Variants in PPA2 observed in about 807,000 individuals in gnomAD.
The protein encoded by PPA2 is inorganic pyrophosphatase 2, mitochondrial.
Under a neutral mutation model 49.5 loss-of-function variants are expected in PPA2, and 48 were observed. The observed-to-expected ratio is 0.97, with a 90% CI of 0.77 to 1.23. The LOEUF is 1.23. PPA2 is among the 50% of genes most tolerant of loss of function. PPA2 has a pLI of 0.00. For missense variants in PPA2, 429 were observed against 410.1 expected (o/e 1.05, Z -0.40); for synonymous variants, 131 against 139.9 (o/e 0.94, Z 0.45).
At chr4:105,437,427 A>G (rs1724115816) in intron 6 of PPA2, among the ~76,000 whole-genome samples, 1 of 152,184 alleles carries the variant, frequency 6.6e-6, no homozygotes, top group Admixed American at 6.5e-5. Context: ...TCAATCTCTG[A>G]AATTGTGGAT....
rs4699179 is a variant in PPA2 at position 105,474,024 on chromosome 4, G to A, written c.27C>T (p.Arg9=). 0.21 allele frequency: 329,711 copies of A among 1,597,208 alleles called. 38,394 individuals are homozygous for A. The highest frequency in any genetic ancestry group is 0.24 in the Non-Finnish European group (282,643 of 1,172,040). The change falls in exon 1 of 12, where the codon CGC becomes CGT. Residue 9 remains arginine, a synonymous_variant. Coordinates refer to ENST00000341695, the MANE Select transcript of PPA2 (RefSeq NM_176869.3). The part of the protein sequence containing the change: MSALLRLL[R]TGAPAAACLR... ...GGCACGCAGCGGCTGGGGCACCCGT[G>A]CGCAGCAGCCGCAGCAGCGCGCTCA...
intron 9 of PPA2, among the ~76,000 whole-genome samples, chr4:105,388,322 C>G (rs1733763798): frequency 6.6e-6 from 1 of 151,916 alleles, no homozygotes. Flanking sequence ...ATCCCCTACT[C>G]TTACAACAAA....
chr4:105,411,027 T>C (rs1488744473), intron 7 of PPA2, among the ~76,000 whole-genome samples: 1 of 152,170 alleles, frequency 6.6e-6, no homozygotes, highest in Non-Finnish European at 1.5e-5. Context: ...AATAACCAGC[T>C]AACATTATAA....
intron 10 of PPA2, among the ~76,000 whole-genome samples, chr4:105,374,606 A>G (rs753267715): frequency 6.6e-6 from 1 of 152,140 alleles, no homozygotes; most frequent in African/African-American, 2.4e-5. Context: ...CTCTCTCTCA[A>G]ATAACTCTAC....
At chr4:105,411,308 CAAAG>C (rs1722746400) in intron 7 of PPA2, among the ~76,000 whole-genome samples, 2 of 152,180 alleles carry the variant, frequency 1.3e-5, no homozygotes, top group Non-Finnish European at 2.9e-5. Flanking sequence ...TCAAAAGAGA[CAAAG>C]AAGGCCATTA....
At chr4:105,461,771 T>G (rs1477153144) in intron 1 of PPA2, among the ~76,000 whole-genome samples, 1 of 152,166 alleles carries the variant, frequency 6.6e-6, no homozygotes, top group Non-Finnish European at 1.5e-5. Context: ...ATTTACAGAG[T>G]GTTTCACATG....
intron 6 of PPA2, among the ~76,000 whole-genome samples, chr4:105,424,774 A>T (rs1465386192): frequency 5.3e-5 from 8 of 152,236 alleles, no homozygotes; most frequent in Non-Finnish European, 7.3e-5. Context: ...TTAAAAAAAA[A>T]TGGAGGATGA....
intron 6 of PPA2, among the ~76,000 whole-genome samples, chr4:105,434,697 C>G (rs1723965768): frequency 6.6e-6 from 1 of 152,122 alleles, no homozygotes; most frequent in African/African-American, 2.4e-5. Flanking sequence ...TTTAAAATTT[C>G]AAACAACATA....
chr4:105,473,799 G>T, intron 1 of PPA2, 95 bp downstream of exon 1: 1 of 1,515,742 alleles, frequency 6.6e-7, no homozygotes, highest in Non-Finnish European at 9.0e-7. Flanking sequence ...AAAGAGAGAA[G>T]GGAGACCGCG....
chr4:105,431,568 C>A lies in PPA2; in HGVS notation c.528+6382G>T, dbSNP rs566881416. ...GTAAATTCAGAATTACCATATGACC[C>A]AGCAATTCCATTCCTAGGTGAAAAA... On this transcript the variant is annotated intron_variant, in intron 6 of 11. Coordinates refer to ENST00000341695, the MANE Select transcript of PPA2 (RefSeq NM_176869.3). 5.3e-5 allele frequency among the ~76,000 whole-genome samples: 8 copies of A among 152,190 alleles called. No individual in the cohort carries two copies. In the South Asian group the frequency reaches 1.5e-3, roughly 28 times the overall value.
intron 5 of PPA2, among the ~76,000 whole-genome samples, chr4:105,442,087 C>G (rs1724398113): frequency 6.6e-6 from 1 of 151,728 alleles, no homozygotes; most frequent in African/African-American, 2.4e-5. Context: ...TCACTGCAAC[C>G]TTAAACTCCT....
chr4:105,465,979 T>G (rs12644313), intron 1 of PPA2, among the ~76,000 whole-genome samples: 20,958 of 152,138 alleles, frequency 0.14, 1,560 homozygotes, highest in South Asian at 0.24. Context: ...CTCTGACATT[T>G]TGTTCTACTT....
At chr4:105,372,833 T>C (rs902346022) in intron 10 of PPA2, among the ~76,000 whole-genome samples, 2 of 152,192 alleles carry the variant, frequency 1.3e-5, no homozygotes, top group African/African-American at 4.8e-5. Context: ...TCCAATTGGT[T>C]CTGACTCTCT....
intron 7 of PPA2, among the ~76,000 whole-genome samples, chr4:105,406,114 C>CAAAA (rs35468715): frequency 0.27 from 26,032 of 96,212 alleles, 3,425 homozygotes; most frequent in Non-Finnish European, 0.37. Context: ...TATAAAACTT[C>CAAAA]AAAAAAAAAA....
intron 9 of PPA2, among the ~76,000 whole-genome samples, chr4:105,393,536 T>C (rs1465399386): frequency 1.6e-5 from 2 of 125,442 alleles, no homozygotes; most frequent in Non-Finnish European, 3.5e-5. Context: ...ATAATAATAA[T>C]AATATGGTTC....
intron 8 of PPA2, chr4:105,398,673 AG>A (rs1269644024): frequency 2.5e-5 from 4 of 161,662 alleles, no homozygotes; most frequent in African/African-American, 9.6e-5. Context: ...AACACTTAGG[AG>A]GGAGTCCCCT....
chr4:105,453,349 A>G (rs957065513), intron 3 of PPA2, among the ~76,000 whole-genome samples: 16 of 152,202 alleles, frequency 1.1e-4, no homozygotes, highest in African/African-American at 3.4e-4. Context: ...ATGTGAAAGA[A>G]CTTAATGCCA....
chr4:105,392,506 C>T (rs1408517848), intron 9 of PPA2, among the ~76,000 whole-genome samples: 1 of 151,952 alleles, frequency 6.6e-6, no homozygotes, highest in Non-Finnish European at 1.5e-5. Flanking sequence ...AACCTCGTCT[C>T]TACTAAAAAT....
At chr4:105,379,340 T>A (rs1303901605) in intron 10 of PPA2, among the ~76,000 whole-genome samples, 3 of 151,886 alleles carry the variant, frequency 2.0e-5, no homozygotes, top group Admixed American at 6.6e-5. Context: ...GAGATATATA[T>A]CTCTGTATAT....
Sources: allele counts gnomAD v4.1 joint callset (sites outside exome capture counted in the v4.1 genomes callset), GRCh38; gene constraint gnomAD v4.1.1; transcripts MANE v1.5; gene names NCBI Gene and HGNC (gene_info 2026-07-23, HGNC 2026-07-21).